ANKFN1: variants seen among roughly 807,000 people sequenced by gnomAD.
ANKFN1 encodes ankyrin repeat and fibronectin type-III domain-containing protein 1.
ANKFN1 carries 74 observed loss-of-function variants against 108.7 expected under a neutral mutation model. The ratio of observed to expected loss-of-function variants is 0.68; its 90% CI spans 0.56 to 0.83. The LOEUF is 0.83. ANKFN1 is among the 40% of genes least tolerant of loss of function. ANKFN1 has a pLI of 0.00. For synonymous variants in ANKFN1, 547 were observed against 516.2 expected (o/e 1.06, Z -0.81); for missense variants, 1,505 against 1,382.3 (o/e 1.09, Z -1.41).
chr17:56,354,628 A>AT (rs1449707692), intron 6 of ANKFN1, among the ~76,000 whole-genome samples: 8 of 152,214 alleles, frequency 5.3e-5, no homozygotes, highest in Non-Finnish European at 1.2e-4. Flanking sequence ...GTGGCTGTAG[A>AT]TTGATAGGGA....
intron 1 of ANKFN1, among the ~76,000 whole-genome samples, chr17:56,180,907 G>A (rs767239623): frequency 1.3e-5 from 2 of 152,236 alleles, no homozygotes; most frequent in African/African-American, 4.8e-5. Context: ...TTGTAGCATC[G>A]AGGAAGGAGT....
intron 15 of ANKFN1, among the ~76,000 whole-genome samples, chr17:56,476,775 A>G (rs1456883532): frequency 1.3e-5 from 2 of 152,254 alleles, no homozygotes; most frequent in African/African-American, 4.8e-5. Context: ...TATAAACATT[A>G]TCTTCTTCGT....
intron 3 of ANKFN1, among the ~76,000 whole-genome samples, chr17:56,264,602 A>C (rs1196768872): frequency 6.6e-6 from 1 of 152,168 alleles, no homozygotes; most frequent in East Asian, 1.9e-4. Flanking sequence ...ATGAGTTCTC[A>C]GGAATAACGA....
At chr17:56,454,545 G>A (rs2145222623) in intron 11 of ANKFN1, among the ~76,000 whole-genome samples, 1 of 152,298 alleles carries the variant, frequency 6.6e-6, no homozygotes, top group African/African-American at 2.4e-5. Flanking sequence ...GAAATCAATA[G>A]CCATTGGGAA....
intron 1 of ANKFN1, among the ~76,000 whole-genome samples, chr17:56,182,050 A>T (rs780325010): frequency 2.0e-5 from 3 of 152,162 alleles, no homozygotes; most frequent in Non-Finnish European, 2.9e-5. Context: ...AACTTAATCA[A>T]CAAATGCATG....
At chr17:56,225,133 C>T (rs2143892205) in intron 2 of ANKFN1, among the ~76,000 whole-genome samples, 1 of 152,224 alleles carries the variant, frequency 6.6e-6, no homozygotes, top group East Asian at 1.9e-4. Flanking sequence ...GCAAATAATA[C>T]AAATGGTGGT....
chr17:56,136,406 C>T (rs1225366793), intron 4 of ANKFN1, among the ~76,000 whole-genome samples: 1 of 152,146 alleles, frequency 6.6e-6, no homozygotes, highest in African/African-American at 2.4e-5. Flanking sequence ...TGTTAATTTC[C>T]TGGACTGTGG....
chr17:56,430,467 A>T (rs1199909265), intron 8 of ANKFN1, among the ~76,000 whole-genome samples: 1 of 150,976 alleles, frequency 6.6e-6, no homozygotes, highest in Non-Finnish European at 1.5e-5. Flanking sequence ...TACTAAAAAA[A>T]ATTTGCTAAG....
chr17:56,384,458 T>C (rs1040986752), intron 8 of ANKFN1, among the ~76,000 whole-genome samples: 1 of 152,150 alleles, frequency 6.6e-6, no homozygotes, highest in Non-Finnish European at 1.5e-5. Flanking sequence ...TTCAACATAG[T>C]GTTGGAAGTT....
intron 3 of ANKFN1, among the ~76,000 whole-genome samples, chr17:56,249,162 C>A (rs16956946): frequency 0.06 from 9,133 of 152,160 alleles, 368 homozygotes; most frequent in African/African-American, 0.11. Flanking sequence ...ATAAAAGAAA[C>A]TCTGAAGTAT....
At chr17:56,420,987 CG>C (rs1260979430) in intron 8 of ANKFN1, among the ~76,000 whole-genome samples, 12 of 152,114 alleles carry the variant, frequency 7.9e-5, no homozygotes, top group African/African-American at 2.9e-4. Context: ...GGATTACAGG[CG>C]TGAGCCACTG....
At chr17:56,150,077 C>T (rs114020445), upstream of ANKFN1, among the ~76,000 whole-genome samples, 174 of 152,226 alleles carry the variant, frequency 1.1e-3, no homozygotes, top group African/African-American at 3.9e-3. Flanking sequence ...AATATTTCTA[C>T]GTAAGTTTTT....
intron 19 of ANKFN1, among the ~76,000 whole-genome samples, chr17:56,498,268 T>C (rs1290652218): frequency 2.6e-5 from 4 of 152,114 alleles, no homozygotes; most frequent in Non-Finnish European, 5.9e-5. Flanking sequence ...TTAACATAGG[T>C]CCAAAAACCT....
intron 18 of ANKFN1, among the ~76,000 whole-genome samples, chr17:56,485,184 T>C (rs1287820851): frequency 6.6e-6 from 1 of 152,214 alleles, no homozygotes; most frequent in African/African-American, 2.4e-5. Flanking sequence ...TCAAAGAGCT[T>C]ACATTCCAGT....
At chr17:56,144,242 A>G (rs1344455021) in intron 4 of ANKFN1, among the ~76,000 whole-genome samples, 1 of 151,728 alleles carries the variant, frequency 6.6e-6, no homozygotes, top group Non-Finnish European at 1.5e-5. Context: ...TCTCTACAGC[A>G]GGAGGACTTC....
chr17:56,224,730 C>T (rs1473735301), intron 2 of ANKFN1: 1 of 152,088 alleles, frequency 6.6e-6, no homozygotes, highest in Admixed American at 6.5e-5. Flanking sequence ...TGGTTGAGCA[C>T]TTGGTTTAAA....
intron 4 of ANKFN1, among the ~76,000 whole-genome samples, chr17:56,342,940 C>G (rs2045997792): frequency 1.3e-5 from 2 of 151,938 alleles, no homozygotes; most frequent in African/African-American, 4.8e-5. Flanking sequence ...TTGAAGGTCT[C>G]TAAGAACTTG....
At chr17:56,208,610 C>T (rs970157184) in intron 1 of ANKFN1, among the ~76,000 whole-genome samples, 1 of 152,210 alleles carries the variant, frequency 6.6e-6, no homozygotes, top group African/African-American at 2.4e-5. Flanking sequence ...CTGATCCTGC[C>T]TTACTGCTAT....
Position 56,512,269 on chromosome 17 carries a change from G to C in ANKFN1, c.*1000G>C, listed in dbSNP as rs1362836265. ...AGTGCCCTGCAGATACGGTCAGTCA[G>C]CAATGGGCTCCTCACAACCCCACAG... On this transcript the variant is annotated 3_prime_UTR_variant, in exon 21 of 21. Coordinates refer to ENST00000682825, the MANE Select transcript of ANKFN1 (RefSeq NM_001370326.1). 1.3e-5 allele frequency among the ~76,000 whole-genome samples: 2 copies of C among 152,176 alleles called. No individual in the cohort carries two copies. Among genetic ancestry groups the C allele is most frequent in the African/African-American group, 4.8e-5 (2 of 41,440 alleles).
Sources: gnomAD v4.1 joint callset for allele counts (sites outside exome capture counted in the v4.1 genomes callset) on GRCh38, gnomAD v4.1.1 for gene constraint, MANE v1.5 for transcripts, NCBI Gene and HGNC (gene_info 2026-07-23, HGNC 2026-07-21) for gene names.